The following ST3GAL5 variants were observed in gnomAD, a reference collection of about 807,000 sequenced individuals.
ST3GAL5 encodes ST3 beta-galactoside alpha-2,3-sialyltransferase 5, also known as lactosylceramide alpha-2,3-sialyltransferase.
In ST3GAL5, 25 loss-of-function variants were observed where a neutral mutation model predicts 46.1. The ratio of observed to expected loss-of-function variants is 0.54; its 90% CI spans 0.40 to 0.76. ST3GAL5 has a LOEUF of 0.76. Ranked by LOEUF, ST3GAL5 falls within the 30% of genes least tolerant of loss-of-function variation. The pLI is 0.00. For synonymous variants in ST3GAL5, 182 were observed against 192.7 expected (o/e 0.94, Z 0.46); for missense variants, 431 against 521.2 (o/e 0.83, Z 1.69).
chr2:85,855,216 T>C (rs1213315718), intron 3 of ST3GAL5: 1 of 152,246 alleles, frequency 6.6e-6, no homozygotes, highest in Non-Finnish European at 1.5e-5. Context: ...GTTCTTGTGG[T>C]AGTGAATGGG....
intron 1 of ST3GAL5, among the ~76,000 whole-genome samples, chr2:85,874,768 T>C (rs894884047): frequency 6.6e-6 from 1 of 151,276 alleles, no homozygotes; most frequent in African/African-American, 2.4e-5. Flanking sequence ...GCAGAGTGAA[T>C]GAACAGAAGA....
intron 3 of ST3GAL5, chr2:85,851,728 T>A (rs954288026): frequency 1.6e-5 from 21 of 1,289,194 alleles, no homozygotes; most frequent in Non-Finnish European, 2.0e-5. Flanking sequence ...GGAAGCAGTG[T>A]GACTAGGCTG....
At chr2:85,840,497 G>C (rs1162921435) in intron 6 of ST3GAL5, 105 bp from the exon 7 acceptor site, 1 of 1,251,716 alleles carries the variant, frequency 8.0e-7, no homozygotes. Flanking sequence ...GCTACATTGG[G>C]GGCTGCAATT....
chr2:85,838,733 A>G lies in ST3GAL5; in HGVS notation c.*1411T>C, dbSNP rs551496574. The G allele has an allele frequency of 6.5e-6, 1 of 152,696 alleles. No individual in the cohort carries two copies. Among genetic ancestry groups the G allele is most frequent in the East Asian group, 1.9e-4 (1 of 5,184 alleles). 9.5% of individuals were successfully genotyped at this position (152,696 alleles called of 1,614,324 possible). A position where few individuals can be genotyped will look rare whatever the true frequency, so the allele number is the denominator to read the frequency against. ...AGGAGGGAGATGGGAAGACGTTCGA[A>G]TGGGCTGGGGCCAAGGCTGCACTGG... On this transcript the variant is annotated 3_prime_UTR_variant, in exon 7 of 7. Coordinates refer to ENST00000638572, the MANE Select transcript of ST3GAL5 (RefSeq NM_003896.4).
At chr2:85,881,666 G>C (rs1318254271) in intron 1 of ST3GAL5, among the ~76,000 whole-genome samples, 1 of 152,200 alleles carries the variant, frequency 6.6e-6, no homozygotes. Flanking sequence ...AGGGTATCTG[G>C]TGGAAGAAAT....
intron 3 of ST3GAL5, chr2:85,853,147 C>T (rs1406342712): frequency 7.4e-6 from 9 of 1,218,452 alleles, no homozygotes; most frequent in Admixed American, 2.4e-5. Context: ...ACTACACAGC[C>T]CAAACCGAAA....
At chr2:85,856,251 CAG>C (rs1273758360) in intron 3 of ST3GAL5, 1 of 152,044 alleles carries the variant, frequency 6.6e-6, no homozygotes, top group African/African-American at 2.4e-5. Context: ...AGGTATTATC[CAG>C]AAATAATAAT....
chr2:85,851,836 A>T (rs951026197), intron 3 of ST3GAL5: 202 of 611,526 alleles, frequency 3.3e-4, no homozygotes, highest in Non-Finnish European at 3.1e-4. Context: ...GGAGCTGGTG[A>T]CTCTCTCGTA....
intron 3 of ST3GAL5, chr2:85,851,535 G>A (rs1683502835): frequency 1.1e-5 from 14 of 1,289,294 alleles, no homozygotes; most frequent in Non-Finnish European, 1.3e-5. Context: ...TTGCTTCAAT[G>A]GTGCACAACC....
intron 1 of ST3GAL5, chr2:85,870,195 C>G (rs971828574): frequency 2.1e-6 from 1 of 470,806 alleles, no homozygotes; most frequent in South Asian, 1.5e-5. Context: ...TTGTCTCCCC[C>G]ACTAGAATGC....
At chr2:85,870,247 T>TGCAAAGTGC (rs1685776251) in intron 1 of ST3GAL5, 1 of 470,544 alleles carries the variant, frequency 2.1e-6, no homozygotes, top group Non-Finnish European at 4.4e-6. Context: ...CACACCACTG[T>TGCAAAGTGC]CTTCACAGTG....
Position 85,839,980 on chromosome 2 carries a change from A to C in ST3GAL5, c.*164T>G, listed in dbSNP as rs564000653. On this transcript the variant is annotated 3_prime_UTR_variant, in exon 7 of 7. Coordinates refer to ENST00000638572, the MANE Select transcript of ST3GAL5 (RefSeq NM_003896.4). Reference sequence around the variant, plus strand: ...AAACACTGACCTCAAATAAATAGGAAAAAAAAAGTGGGAAGAGCTAAAATT... The same window carrying C: ...AAACACTGACCTCAAATAAATAGGACAAAAAAAGTGGGAAGAGCTAAAATT... The C allele has an allele frequency of 3.4e-5, 34 of 994,694 alleles. No individual in the cohort carries two copies. The African/African-American group carries it at 5.1e-4, about 15-fold the overall frequency. 61.6% of individuals were successfully genotyped at this position (994,694 alleles called of 1,614,324 possible).
chr2:85,881,338 G>A (rs1213283292), intron 1 of ST3GAL5, among the ~76,000 whole-genome samples: 1 of 152,196 alleles, frequency 6.6e-6, no homozygotes, highest in Non-Finnish European at 1.5e-5. Flanking sequence ...GGGCGTAGCT[G>A]AAAAGATACC....
At chr2:85,867,696 TA>T in intron 1 of ST3GAL5, 1 of 779,130 alleles carries the variant, frequency 1.3e-6, no homozygotes, top group South Asian at 1.3e-5. Flanking sequence ...ACCCAGGTCT[TA>T]AATACCATAC....
Position 85,846,440 on chromosome 2 carries a change from A to C in ST3GAL5, c.786T>G (p.Val262=). The C allele has an allele frequency of 6.2e-7, 1 of 1,614,236 alleles. No homozygotes were observed. The highest frequency in any genetic ancestry group is 8.5e-7 in the Non-Finnish European group (1 of 1,180,038). The change falls in exon 5 of 7, where the codon GTT becomes GTG. Residue 262 remains valine, a synonymous_variant. Transcript: ENST00000638572. ...DLEYYSNDLF[V]AVLFKSVDFN... ...AATCAACACTCTTAAATAAAACAGCAACAAATAAGTCATTGGAATAATATT... is the reference window on the plus strand; with the variant it reads ...AATCAACACTCTTAAATAAAACAGCCACAAATAAGTCATTGGAATAATATT...
At chr2:85,863,117 C>T (rs567886218) in intron 2 of ST3GAL5, among the ~76,000 whole-genome samples, 4 of 152,324 alleles carry the variant, frequency 2.6e-5, no homozygotes, top group Non-Finnish European at 5.9e-5. Context: ...GGCATCCAGG[C>T]CAAGGTAGAG....
At chr2:85,874,798 C>G (rs1268942950) in intron 1 of ST3GAL5, among the ~76,000 whole-genome samples, 2 of 151,092 alleles carry the variant, frequency 1.3e-5, no homozygotes, top group Admixed American at 6.6e-5. Flanking sequence ...CAGTGGCCTG[C>G]AACTAGATCC....
intron 1 of ST3GAL5, chr2:85,865,823 A>ATT (rs1373164225): frequency 6.6e-6 from 1 of 152,362 alleles, no homozygotes; most frequent in East Asian, 1.9e-4. Context: ...CCGTCAGACT[A>ATT]TAAGCCTGTA....
At chr2:85,878,817 T>C (rs1018117920) in intron 1 of ST3GAL5, among the ~76,000 whole-genome samples, 4 of 152,086 alleles carry the variant, frequency 2.6e-5, no homozygotes, top group Non-Finnish European at 5.9e-5. Flanking sequence ...TTGTGCATCC[T>C]GGGCAGGAAA....
Sources: allele counts gnomAD v4.1 joint callset (sites outside exome capture counted in the v4.1 genomes callset), GRCh38; gene constraint gnomAD v4.1.1; transcripts MANE v1.5; gene names NCBI Gene and HGNC (gene_info 2026-07-23, HGNC 2026-07-21).